The following RBBP6 variants were observed in gnomAD, a reference collection of about 807,000 sequenced individuals.
RBBP6 encodes E3 ubiquitin-protein ligase RBBP6.
In RBBP6, 25 loss-of-function variants were observed where a neutral mutation model predicts 167.7. The observed-to-expected ratio is 0.15, with a 90% CI of 0.11 to 0.21. RBBP6 has a LOEUF of 0.21. Ranked by LOEUF, RBBP6 falls within the 10% of genes least tolerant of loss-of-function variation. RBBP6 has a pLI of 1.00. For synonymous variants in RBBP6, 789 were observed against 735.8 expected (o/e 1.07, Z -1.17); for missense variants, 1,868 against 2,134.2 (o/e 0.88, Z 2.46).
intron 14 of RBBP6, among the ~76,000 whole-genome samples, chr16:24,566,913 T>G (rs1481599715): frequency 2.0e-5 from 3 of 152,160 alleles, no homozygotes; most frequent in Non-Finnish European, 4.4e-5. Flanking sequence ...TATTTCCGTG[T>G]AGAGAAGGTC....
chr16:24,561,953 C>G lies in RBBP6; in HGVS notation c.1081C>G (p.Pro361Ala), dbSNP rs1271417912. ...QRNLQPLMRS[P>A]ISRQQDPLMI... is the part of the protein sequence containing the mutation. Reference sequence around the variant, plus strand: ...GAACCTACAACCTCTGATGAGATCTCCGATATCAAGACAACAAGATCCTCT... The same window carrying G: ...GAACCTACAACCTCTGATGAGATCTGCGATATCAAGACAACAAGATCCTCT... The change falls in exon 10 of 18, where the codon CCG becomes GCG. Residue 361 changes from proline to alanine, a missense_variant. Physicochemically the swap from Pro to Ala is conservative, Grantham distance 27. Transcript: ENST00000319715. 1 of 1,613,406 alleles carries G rather than the reference C, an allele frequency of 6.2e-7. No homozygotes were observed. Among genetic ancestry groups the G allele is most frequent in the Non-Finnish European group, 8.5e-7 (1 of 1,179,652 alleles).
rs1899125535 is a variant in RBBP6 at position 24,563,670 on chromosome 16, T to C, written c.1520+6T>C. On this transcript the variant is annotated splice_donor_region_variant and intron_variant, in intron 13 of 17. Transcript: ENST00000319715. ...GGTCGACCAGGCTGGGAACAGTGAGTAGATGTTTACAATAATCTTCAGATG... is the reference window on the plus strand; with the variant it reads ...GGTCGACCAGGCTGGGAACAGTGAGCAGATGTTTACAATAATCTTCAGATG... 1.9e-6 allele frequency: 3 copies of C among 1,608,918 alleles called. No homozygotes were observed. Among genetic ancestry groups the C allele is most frequent in the African/African-American group, 1.4e-5 (1 of 73,570 alleles).
chr16:24,552,752 G>T (rs1020920299), intron 3 of RBBP6, among the ~76,000 whole-genome samples: 10 of 151,786 alleles, frequency 6.6e-5, no homozygotes, highest in African/African-American at 2.2e-4. Context: ...AGAATTGGCA[G>T]TTAGTGAGTG....
chr16:24,567,012 A>G, intron 14 of RBBP6, 131 bp from the exon 15 acceptor site: 1 of 917,510 alleles, frequency 1.1e-6, no homozygotes, highest in Admixed American at 2.9e-5. Context: ...TAATGTTGCT[A>G]CACTAGTTGA....
intron 14 of RBBP6, among the ~76,000 whole-genome samples, chr16:24,565,803 A>G (rs1322072728): frequency 6.6e-6 from 1 of 152,240 alleles, no homozygotes; most frequent in Non-Finnish European, 1.5e-5. Flanking sequence ...ATAATGGCTC[A>G]TGCTGGTAAT....
intron 2 of RBBP6, among the ~76,000 whole-genome samples, chr16:24,547,704 A>G (rs1898693654): frequency 6.6e-6 from 1 of 152,120 alleles, no homozygotes; most frequent in African/African-American, 2.4e-5. Flanking sequence ...GATCCACCCA[A>G]CTTGGCCTCC....
chr16:24,572,843 G>A lies in RBBP6; in HGVS notation c.*398G>A, dbSNP rs1486490432. On this transcript the variant is annotated 3_prime_UTR_variant, in exon 18 of 18. Transcript: ENST00000319715. ...ATGTCACTTTTTGATTACAATAAAAGTTTTCAGTAAACTTTTCAAATGTTG... is the reference window on the plus strand; with the variant it reads ...ATGTCACTTTTTGATTACAATAAAAATTTTCAGTAAACTTTTCAAATGTTG... 1.2e-5 allele frequency: 2 copies of A among 161,512 alleles called. No individual in the cohort carries two copies. Among genetic ancestry groups the A allele is most frequent in the Non-Finnish European group, 2.7e-5 (2 of 74,380 alleles). The allele number at this position is 161,512 out of a possible 1,614,324, so 10.0% of individuals were successfully genotyped here.
intron 17 of RBBP6, 132 bp from the exon 18 acceptor site, chr16:24,570,744 C>G: frequency 1.2e-6 from 1 of 859,648 alleles, no homozygotes. Flanking sequence ...TTCCTTAGGG[C>G]AGAATAAGTT....
intron 3 of RBBP6, chr16:24,549,238 T>C: frequency 7.4e-7 from 1 of 1,351,142 alleles, no homozygotes; most frequent in Non-Finnish European, 9.5e-7. Flanking sequence ...TGTATGACAC[T>C]GTGTTGTACA....
rs1898455791 is a variant in RBBP6, at chr16:24,540,431, G to A, written c.-196G>A. 2.1e-6 allele frequency: 1 copy of A among 474,460 alleles called. No individual in the cohort carries two copies. The highest frequency in any genetic ancestry group is 3.7e-6 in the Non-Finnish European group (1 of 269,970). 29.4% of individuals were successfully genotyped at this position (474,460 alleles called of 1,614,324 possible). A position where few individuals can be genotyped will look rare whatever the true frequency, so the allele number is the denominator to read the frequency against. The stretch of plus-strand genomic sequence containing the variant: ...TCCTCCTCCCCCATGAAGTGATTCT[G>A]AGTATCGGGGGGTCTCTGGATTATT... On this transcript the variant is annotated 5_prime_UTR_variant, in exon 1 of 18. Coordinates refer to ENST00000319715, the MANE Select transcript of RBBP6 (RefSeq NM_006910.5).
At chr16:24,546,347 G>T in intron 2 of RBBP6, 85 bp downstream of exon 2, 1 of 1,354,126 alleles carries the variant, frequency 7.4e-7, no homozygotes. Flanking sequence ...TTTTAGAACT[G>T]AACTCATTAC....
intron 10 of RBBP6, among the ~76,000 whole-genome samples, chr16:24,562,471 A>G (rs1465496001): frequency 1.4e-4 from 22 of 152,230 alleles, no homozygotes; most frequent in Non-Finnish European, 7.3e-5. Context: ...ACTTGTGATC[A>G]TAATGATAGT....
rs556454790 is a variant in RBBP6, at chr16:24,553,337, G to A, written c.304-176G>A. The A allele has an allele frequency of 5.7e-4, 282 of 497,254 alleles. 4 individuals carry two copies. Among genetic ancestry groups the A allele is most frequent in the Middle Eastern group, 5.3e-3 (11 of 2,058 alleles). The allele number at this position is 497,254 out of a possible 1,614,324, so 30.8% of individuals were successfully genotyped here. On this transcript the variant is annotated intron_variant, in intron 3 of 17. Transcript: ENST00000319715. ...CCAACTGATAGCTTTTTATAACTGT[G>A]TGAAATATCTAGAGAAGAATGAAGT...
At chr16:24,552,783 A>T (rs1898828065) in intron 3 of RBBP6, among the ~76,000 whole-genome samples, 1 of 151,104 alleles carries the variant, frequency 6.6e-6, no homozygotes, top group South Asian at 2.1e-4. Flanking sequence ...CTTAAGGCTC[A>T]TTAAAATACC....
At chr16:24,553,367 T>C (rs1898842880) in intron 3 of RBBP6, 146 bp from the exon 4 acceptor site, 4 of 590,894 alleles carry the variant, frequency 6.8e-6, no homozygotes, top group South Asian at 2.6e-5. Flanking sequence ...TGAAGTAGGC[T>C]GAGCTACATT....
rs1204746359 is a variant in RBBP6, at chr16:24,548,950, G to A, written c.272G>A (p.Arg91Gln). Residue 91 changes from arginine (R) to glutamine (Q), a missense_variant, in exon 3 of 18, where the codon CGA (arginine) becomes CAA (glutamine). Around this residue, in one of 7 missense-constraint regions of RBBP6, gnomAD observed 184 missense variants for 327.7 expected, o/e 0.56. Transcript: ENST00000319715. ...GTTTTTATTTTGTGTTTTAGAAGTC[G>A]AACTGAACCAGCGATGGCAACTACA... ...KSTSKTYVIS[R>Q]TEPAMATTKA... The A allele has an allele frequency of 5.6e-6, 9 of 1,607,698 alleles. No individual in the cohort carries two copies. Among genetic ancestry groups the A allele is most frequent in the African/African-American group, 1.3e-5 (1 of 74,802 alleles).
At position 24,571,982 on chromosome 16, in the gene RBBP6, C is replaced by T; in HGVS notation, c.4916C>T (p.Pro1639Leu). Residue 1639 changes from proline to leucine, a missense_variant, in exon 18 of 18, where the codon CCA becomes CTA. By Grantham distance (98) the Pro-to-Leu change is moderately conservative. This residue lies in a region of RBBP6 where 591 missense variants were observed against 540.5 expected (regional missense o/e 1.09). Transcript: ENST00000319715. ...TRETDEAAFE[P>L]DYNESDSESN... ...GAAACTGATGAAGCTGCTTTTGAAC[C>T]AGACTATAATGAAAGTGACAGTGAA... is the stretch of plus-strand genomic sequence containing the variant. The T allele has an allele frequency of 6.2e-7, 1 of 1,613,666 alleles. No individual in the cohort carries two copies. Among genetic ancestry groups the T allele is most frequent in the Non-Finnish European group, 8.5e-7 (1 of 1,179,902 alleles).
rs748476086 is a variant in RBBP6, at chr16:24,561,601, C to T, written c.848-11C>T. ...CTATGCTTTTATTAATATTTGAAAT[C>T]TTATACATAGGTATAAGAACAGCAC... On this transcript the variant is annotated splice_polypyrimidine_tract_variant and intron_variant, in intron 8 of 17. Transcript: ENST00000319715. The T allele has an allele frequency of 4.4e-6, 7 of 1,601,164 alleles. No homozygotes were observed. The highest frequency in any genetic ancestry group is 1.1e-5 in the South Asian group (1 of 89,968).
Position 24,570,497 on chromosome 16 carries a change from C to G in RBBP6, c.3807C>G (p.Thr1269=). The G allele has an allele frequency of 6.4e-7, 1 of 1,569,622 alleles. No homozygotes were observed. The highest frequency in any genetic ancestry group is 1.2e-5 in the South Asian group (1 of 83,086). The part of the protein sequence containing the change: ...EGSSSTLVDY[T]STSSTGGSPV... ...CCAGCTCAACTCTGGTGGATTACAC[C>G]AGGTAGCTGAGTGTAGGGGGTGGGT... The change falls in exon 17 of 18, where the codon ACC becomes ACG. Residue 1269 remains threonine, a splice_region_variant and synonymous_variant. Coordinates refer to ENST00000319715, the MANE Select transcript of RBBP6 (RefSeq NM_006910.5).
Sources: gnomAD v4.1 joint callset for allele counts (sites outside exome capture counted in the v4.1 genomes callset) on GRCh38, gnomAD v4.1.1 for gene constraint, gnomAD v4.1.1 regional missense constraint, MANE v1.5 for transcripts, NCBI Gene and HGNC (gene_info 2026-07-23, HGNC 2026-07-21) for gene names.